Variants in NCOA5 observed in about 807,000 individuals in gnomAD.
NCOA5 encodes NCoA-5.
NCOA5 carries 12 observed loss-of-function variants against 59.0 expected under a neutral mutation model. The ratio of observed to expected loss-of-function variants is 0.20; its 90% CI spans 0.13 to 0.33. NCOA5 has a LOEUF of 0.33. NCOA5 is among the 10% of genes least tolerant of loss of function. The pLI is 1.00. For missense variants in NCOA5, 655 were observed against 766.6 expected (o/e 0.85, Z 1.72); for synonymous variants, 270 against 275.5 (o/e 0.98, Z 0.20).
At chr20:46,089,634 G>T (rs1254711434) in intron 1 of NCOA5, among the ~76,000 whole-genome samples, 183 bp downstream of exon 1, 1 of 151,928 alleles carries the variant, frequency 6.6e-6, no homozygotes, top group African/African-American at 2.4e-5. Flanking sequence ...GACGGGAGCC[G>T]GAGGCGGCCG....
rs1344475973 is a variant in NCOA5 at position 46,061,543 on chromosome 20, T to A, written c.*757A>T. The A allele has an allele frequency of 6.6e-6, 1 of 152,658 alleles. No individual in the cohort carries two copies. The highest frequency in any genetic ancestry group is 1.5e-5 in the Non-Finnish European group (1 of 68,114). The allele number at this position is 152,658 out of a possible 1,614,324, so 9.5% of individuals were successfully genotyped here. On this transcript the variant is annotated 3_prime_UTR_variant, in exon 8 of 8. Coordinates refer to ENST00000290231, the MANE Select transcript of NCOA5 (RefSeq NM_020967.3). ...ATGGAAGTGCTGCTGGAGAGGGGGA[T>A]GCTGACAGAACTGGTTAACAGGGAA... is the stretch of plus-strand genomic sequence containing the variant.
At chr20:46,072,636 C>G (rs140796808) in intron 2 of NCOA5, among the ~76,000 whole-genome samples, 57 of 152,344 alleles carry the variant, frequency 3.7e-4, no homozygotes, top group Middle Eastern at 3.4e-3. Context: ...CCTTTCAGCT[C>G]TGCCTAGCCA....
At chr20:46,084,207 T>C (rs1213403396) in intron 1 of NCOA5, among the ~76,000 whole-genome samples, 2 of 152,166 alleles carry the variant, frequency 1.3e-5, no homozygotes, top group Non-Finnish European at 1.5e-5. Flanking sequence ...ATGAGAAAAT[T>C]TGAAGTTTAG....
At position 46,062,903 on chromosome 20, in the gene NCOA5, G is replaced by C; in HGVS notation, c.1151-14C>G. On this transcript the variant is annotated splice_polypyrimidine_tract_variant and intron_variant, in intron 7 of 7. Transcript: ENST00000290231. The stretch of plus-strand genomic sequence containing the variant: ...GGGAAATCGGGCCTGGAAGACAGAA[G>C]AGGGAGGTATCTGGTTCAAAGTACC... 6.6e-7 allele frequency: 1 copy of C among 1,511,622 alleles called. No homozygotes were observed. The highest frequency in any genetic ancestry group is 1.3e-5 in the South Asian group (1 of 74,680). 93.6% of individuals were successfully genotyped at this position (1,511,622 alleles called of 1,614,324 possible). A position where few individuals can be genotyped will look rare whatever the true frequency, so the allele number is the denominator to read the frequency against.
chr20:46,087,843 C>G (rs1201413919), intron 1 of NCOA5, among the ~76,000 whole-genome samples: 1 of 152,116 alleles, frequency 6.6e-6, no homozygotes, highest in Non-Finnish European at 1.5e-5. Context: ...AAACGGACGC[C>G]GGGCTTAAAT....
intron 2 of NCOA5, among the ~76,000 whole-genome samples, chr20:46,072,899 T>A (rs1405047194): frequency 1.3e-5 from 2 of 152,248 alleles, no homozygotes; most frequent in African/African-American, 2.4e-5. Context: ...TCACTTTGAT[T>A]CTGCACTACA....
chr20:46,073,006 C>T (rs1488291598), intron 2 of NCOA5, among the ~76,000 whole-genome samples: 1 of 152,172 alleles, frequency 6.6e-6, no homozygotes, highest in African/African-American at 2.4e-5. Context: ...ACCGCACTTA[C>T]CACACTGTTC....
At chr20:46,083,661 C>A (rs1013478550) in intron 1 of NCOA5, among the ~76,000 whole-genome samples, 1 of 152,192 alleles carries the variant, frequency 6.6e-6, no homozygotes, top group Non-Finnish European at 1.5e-5. Context: ...ATAAAACTCT[C>A]TAAAAGGCTT....
chr20:46,066,007 A>G (rs2084819532), intron 5 of NCOA5, among the ~76,000 whole-genome samples: 1 of 152,216 alleles, frequency 6.6e-6, no homozygotes, highest in Admixed American at 6.5e-5. Flanking sequence ...GTCCAAAAAA[A>G]GCTCTCTAGA....
intron 1 of NCOA5, among the ~76,000 whole-genome samples, chr20:46,081,251 A>G (rs2084988969): frequency 6.6e-6 from 1 of 152,126 alleles, no homozygotes; most frequent in Non-Finnish European, 1.5e-5. Context: ...CCTGGCAAAC[A>G]TTCAGGTTAA....
chr20:46,068,466 A>G, intron 4 of NCOA5, 36 bp downstream of exon 4: 3 of 1,583,692 alleles, frequency 1.9e-6, no homozygotes, highest in Non-Finnish European at 2.6e-6. Flanking sequence ...AAAGTGTTCT[A>G]TCAATAATAG....
intron 5 of NCOA5, among the ~76,000 whole-genome samples, chr20:46,066,756 C>G (rs2084828143): frequency 6.6e-6 from 1 of 152,202 alleles, no homozygotes; most frequent in Non-Finnish European, 1.5e-5. Flanking sequence ...AGAACAAAGG[C>G]AAATCTGAGG....
At chr20:46,083,553 G>A (rs2145553348) in intron 1 of NCOA5, among the ~76,000 whole-genome samples, 1 of 152,262 alleles carries the variant, frequency 6.6e-6, no homozygotes, top group Non-Finnish European at 1.5e-5. Flanking sequence ...TTTGTCTTTT[G>A]ACAGCCACAT....
chr20:46,082,233 A>G (rs1235146499), intron 1 of NCOA5, among the ~76,000 whole-genome samples: 1 of 152,178 alleles, frequency 6.6e-6, no homozygotes, highest in Admixed American at 6.6e-5. Context: ...AGAATTCCCA[A>G]AGAAAGACAC....
In NCOA5 at chr20:46,062,407, C is replaced by A; in HGVS notation, c.1633G>T (p.Asp545Tyr). Reference protein sequence around the residue: ...FDNPSVQKALDTLIQSGPALS... With the variant: ...FDNPSVQKALYTLIQSGPALS... ...GCAGGGCCACTCTGGATCAGGGTAT[C>A]CAGAGCCTTCTGTACACTTGGATTG... The change falls in exon 8 of 8, where the codon GAT becomes TAT. Residue 545 changes from aspartate (D) to tyrosine (Y), a missense_variant. Asp to Tyr is a radical substitution (Grantham distance 160, BLOSUM62 -3). This residue lies in a region of NCOA5 where 325 missense variants were observed against 353.2 expected (regional missense o/e 0.92). Transcript: ENST00000290231. 6.2e-7 allele frequency: 1 copy of A among 1,614,088 alleles called. No homozygotes were observed. Among genetic ancestry groups the A allele is most frequent in the Non-Finnish European group, 8.5e-7 (1 of 1,180,012 alleles).
chr20:46,077,965 A>G (rs1412299630), intron 2 of NCOA5, among the ~76,000 whole-genome samples: 3 of 152,376 alleles, frequency 2.0e-5, no homozygotes, highest in Admixed American at 1.3e-4. Flanking sequence ...CATACACACA[A>G]ATCAACCAAC....
At chr20:46,089,169 A>G (rs1438784917) in intron 1 of NCOA5, among the ~76,000 whole-genome samples, 1 of 152,040 alleles carries the variant, frequency 6.6e-6, no homozygotes, top group Non-Finnish European at 1.5e-5. Flanking sequence ...GAGCTTGGAA[A>G]GCCGGCCGGA....
At chr20:46,069,915 T>C (rs1430262943) in intron 3 of NCOA5, among the ~76,000 whole-genome samples, 1 of 152,220 alleles carries the variant, frequency 6.6e-6, no homozygotes, top group African/African-American at 2.4e-5. Flanking sequence ...TTTAACTTTT[T>C]AAGGAACTGC....
chr20:46,075,640 C>A (rs2084929844), intron 2 of NCOA5, among the ~76,000 whole-genome samples: 1 of 152,110 alleles, frequency 6.6e-6, no homozygotes, highest in Non-Finnish European at 1.5e-5. Flanking sequence ...CTTCTTGTAC[C>A]TAGAGGCCAC....
Sources: gnomAD v4.1 joint callset for allele counts (sites outside exome capture counted in the v4.1 genomes callset) on GRCh38, gnomAD v4.1.1 for gene constraint, gnomAD v4.1.1 regional missense constraint, MANE v1.5 for transcripts, NCBI Gene and HGNC (gene_info 2026-07-23, HGNC 2026-07-21) for gene names.